Variants in PAPPA2 observed in about 807,000 individuals in gnomAD.
PAPPA2 encodes the protein pappalysin 2, also known as pappalysin-2.
Under a neutral mutation model 176.4 loss-of-function variants are expected in PAPPA2, and 86 were observed. The observed-to-expected ratio is 0.49, with a 90% CI of 0.41 to 0.58. PAPPA2 has a LOEUF of 0.58. Among genes scored for constraint, PAPPA2 ranks in the 20% least tolerant of loss-of-function variants. The probability of loss-of-function intolerance (pLI) is 0.00; values close to 1 mark genes in which losing one functional copy is unlikely to be tolerated. For synonymous variants in PAPPA2, 809 were observed against 852.2 expected (o/e 0.95, Z 0.88); for missense variants, 2,073 against 2,256.9 (o/e 0.92, Z 1.65).
chr1:176,533,953 G>A (rs1297480795), intron 1 of PAPPA2, among the ~76,000 whole-genome samples: 1 of 152,146 alleles, frequency 6.6e-6, no homozygotes, highest in Non-Finnish European at 1.5e-5. Flanking sequence ...TGCAGACTTA[G>A]CTCATATAAA....
chr1:176,557,712 C>G (rs987981979), intron 2 of PAPPA2, among the ~76,000 whole-genome samples: 1 of 152,146 alleles, frequency 6.6e-6, no homozygotes, highest in Non-Finnish European at 1.5e-5. Flanking sequence ...GGTACACAGC[C>G]GTCAGGTCCT....
At chr1:176,690,507 G>A (rs1660069145) in intron 5 of PAPPA2, 77 bp downstream of exon 5, 1 of 1,560,564 alleles carries the variant, frequency 6.4e-7, no homozygotes, top group African/African-American at 1.4e-5. Flanking sequence ...GGAGGTGTGG[G>A]AGCTGATGGG....
In PAPPA2 at chr1:176,722,419, C is replaced by CT. The variant is rs34221424; in HGVS notation, c.3798+10458dup. On this transcript the variant is annotated intron_variant, in intron 12 of 22. Transcript: ENST00000367662. The stretch of plus-strand genomic sequence containing the variant: ...TGCTTTGTGAGCCTTTATACATTTC[C>CT]TTTTTTTTTTTTTTTTTTTTAGTTT... Among the ~76,000 whole-genome samples the CT allele has an allele frequency of 1.5e-3, 183 of 124,020 alleles. 1 individual carries two copies. The East Asian group carries it at 0.016, about 11-fold the overall frequency. The allele number at this position is 124,020 out of a possible 152,430, so 81.4% of individuals were successfully genotyped here.
chr1:176,804,459 C>A (rs1665809742), intron 21 of PAPPA2, among the ~76,000 whole-genome samples: 1 of 152,194 alleles, frequency 6.6e-6, no homozygotes, highest in African/African-American at 2.4e-5. Flanking sequence ...GTATAGCCCA[C>A]AACAAAGAAT....
At chr1:176,480,870 C>G (rs74992723) in intron 1 of PAPPA2, among the ~76,000 whole-genome samples, 6,508 of 151,972 alleles carry the variant, frequency 0.043, 219 homozygotes, top group Non-Finnish European at 0.062. Flanking sequence ...AAGCCAGTCA[C>G]CCGACTGTGC....
intron 22 of PAPPA2, among the ~76,000 whole-genome samples, chr1:176,841,348 G>A (rs980318990): frequency 6.6e-5 from 10 of 151,962 alleles, no homozygotes; most frequent in Admixed American, 5.9e-4. Context: ...AATTAGGATC[G>A]AAAAGGCACT....
At chr1:176,559,079 CA>C (rs888536744) in intron 2 of PAPPA2, among the ~76,000 whole-genome samples, 3 of 152,306 alleles carry the variant, frequency 2.0e-5, no homozygotes, top group Non-Finnish European at 4.4e-5. Context: ...ATCCCCACCC[CA>C]GGACGTCTTT....
chr1:176,523,804 C>G (rs1166922264), intron 1 of PAPPA2, among the ~76,000 whole-genome samples: 1 of 152,192 alleles, frequency 6.6e-6, no homozygotes, highest in African/African-American at 2.4e-5. Flanking sequence ...GAAATGGGAG[C>G]TGTAACTGAA....
intron 1 of PAPPA2, among the ~76,000 whole-genome samples, chr1:176,508,724 G>A (rs1648438441): frequency 6.6e-6 from 1 of 151,982 alleles, no homozygotes; most frequent in Non-Finnish European, 1.5e-5. Flanking sequence ...TCATGGGGGT[G>A]GATTTCTCCC....
At chr1:176,739,802 A>G (rs1457412194) in intron 13 of PAPPA2, 41 bp downstream of exon 13, 1 of 1,604,976 alleles carries the variant, frequency 6.2e-7, no homozygotes, top group Non-Finnish European at 8.5e-7. Context: ...CTAGAGGACA[A>G]CCCGGTAGAC....
At chr1:176,810,501 C>G (rs190483044) in intron 21 of PAPPA2, among the ~76,000 whole-genome samples, 1 of 152,290 alleles carries the variant, frequency 6.6e-6, no homozygotes, top group Non-Finnish European at 1.5e-5. Flanking sequence ...CATGCACAGT[C>G]CACCACAGGG....
At chr1:176,550,754 C>T (rs1239110812) in intron 1 of PAPPA2, among the ~76,000 whole-genome samples, 1 of 152,156 alleles carries the variant, frequency 6.6e-6, no homozygotes, top group South Asian at 2.1e-4. Flanking sequence ...CCAAACAGTT[C>T]CACAAGAAGA....
At chr1:176,558,262 T>C (rs1194195051) in intron 2 of PAPPA2, among the ~76,000 whole-genome samples, 2 of 152,188 alleles carry the variant, frequency 1.3e-5, no homozygotes, top group African/African-American at 4.8e-5. Flanking sequence ...TCCCATTATA[T>C]TGATGGGGAA....
At chr1:176,652,901 C>G (rs1383146282) in intron 3 of PAPPA2, among the ~76,000 whole-genome samples, 2 of 151,618 alleles carry the variant, frequency 1.3e-5, no homozygotes, top group East Asian at 3.9e-4. Flanking sequence ...TCTCTGCGAC[C>G]CTGAGAATTG....
chr1:176,645,837 T>C (rs957282364), intron 3 of PAPPA2, among the ~76,000 whole-genome samples: 2 of 151,730 alleles, frequency 1.3e-5, no homozygotes, highest in Admixed American at 6.6e-5. Context: ...CCCTAAGGAT[T>C]TGTGATGTTG....
intron 14 of PAPPA2, among the ~76,000 whole-genome samples, chr1:176,748,988 AT>A (rs1663042598): frequency 6.8e-6 from 1 of 146,142 alleles, no homozygotes; most frequent in Non-Finnish European, 1.5e-5. Flanking sequence ...TTAAAAAGTT[AT>A]GGTTACTGTT....
intron 2 of PAPPA2, among the ~76,000 whole-genome samples, chr1:176,568,210 C>G (rs927362036): frequency 2.0e-5 from 3 of 152,164 alleles, no homozygotes; most frequent in African/African-American, 7.2e-5. Flanking sequence ...TAGGAGACAA[C>G]ATAAACACAG....
intron 3 of PAPPA2, among the ~76,000 whole-genome samples, chr1:176,642,204 A>G (rs907491174): frequency 6.6e-6 from 1 of 151,944 alleles, no homozygotes; most frequent in Non-Finnish European, 1.5e-5. Context: ...CATGATTATT[A>G]GTTGTCTATG....
intron 1 of PAPPA2, among the ~76,000 whole-genome samples, chr1:176,501,624 T>TTC (rs1457549932): frequency 2.0e-5 from 3 of 152,228 alleles, no homozygotes; most frequent in Admixed American, 1.3e-4. Flanking sequence ...GGGGAAGCCT[T>TTC]TCTCAAGGTT....
Sources: allele counts gnomAD v4.1 joint callset (sites outside exome capture counted in the v4.1 genomes callset), GRCh38; gene constraint gnomAD v4.1.1; transcripts MANE v1.5; gene names NCBI Gene and HGNC (gene_info 2026-07-23, HGNC 2026-07-21).